The following PDE6B variants were observed in gnomAD, a reference collection of about 807,000 sequenced individuals.
The protein encoded by PDE6B is rod cGMP-specific 3',5'-cyclic phosphodiesterase subunit beta.
In PDE6B, 106 loss-of-function variants were observed where a neutral mutation model predicts 109.0. The observed-to-expected ratio is 0.97, with a 90% CI of 0.83 to 1.14. The LOEUF (loss-of-function observed/expected upper bound fraction) is 1.14. Ranked by LOEUF, PDE6B falls within the 50% of genes most tolerant of loss-of-function variation. PDE6B has a pLI of 0.00. For missense variants in PDE6B, 1,193 were observed against 1,155.6 expected (o/e 1.03, Z -0.47); for synonymous variants, 490 against 471.3 (o/e 1.04, Z -0.51).
chr4:635,816 AC>A, intron 2 of PDE6B, 63 bp from the exon 3 acceptor site: 3 of 875,936 alleles, frequency 3.4e-6, no homozygotes, highest in Non-Finnish European at 5.9e-6. Context: ...CCTGCAAAAT[AC>A]CCACGGGGGC....
chr4:628,506 G>A (rs1224931815), intron 1 of PDE6B, among the ~76,000 whole-genome samples: 1 of 152,226 alleles, frequency 6.6e-6, no homozygotes, highest in Non-Finnish European at 1.5e-5. Context: ...GGGAACTAAT[G>A]TCTGCCTCTC....
At chr4:644,338 T>A (rs1407987021) in intron 3 of PDE6B, among the ~76,000 whole-genome samples, 3 of 152,060 alleles carry the variant, frequency 2.0e-5, no homozygotes, top group Non-Finnish European at 4.4e-5. Flanking sequence ...TTAATTGCAC[T>A]ATGGTATAAG....
intron 20 of PDE6B, among the ~76,000 whole-genome samples, 190 bp from the exon 21 acceptor site, chr4:667,666 A>C (rs1194062022): frequency 6.6e-6 from 1 of 152,108 alleles, no homozygotes; most frequent in African/African-American, 2.4e-5. Context: ...TCCCGGCTTC[A>C]ATGTCACCAA....
rs1485020766 is a variant in PDE6B, at chr4:664,272, G to A, written c.2129+51G>A. The A allele has an allele frequency of 7.9e-6, 8 of 1,008,574 alleles. 1 individual carries two copies. Among genetic ancestry groups the A allele is most frequent in the South Asian group, 7.6e-5 (6 of 78,844 alleles). The allele number at this position is 1,008,574 out of a possible 1,614,324, so 62.5% of individuals were successfully genotyped here. A position where few individuals can be genotyped will look rare whatever the true frequency, so the allele number is the denominator to read the frequency against. ...GGGGTCCTTCCCTCGCAGGGACCGG[G>A]CCCACTCACCAGCTGGTTAACCCTG... On this transcript the variant is annotated intron_variant, in intron 17 of 21. Transcript: ENST00000496514.
intron 1 of PDE6B, among the ~76,000 whole-genome samples, chr4:629,597 C>T (rs1734282246): frequency 6.6e-6 from 1 of 152,236 alleles, no homozygotes; most frequent in South Asian, 2.1e-4. Flanking sequence ...CCCCCTGCCC[C>T]AAAACACCTC....
rs376382275 is a variant in PDE6B, at chr4:662,666, C to T, written c.1832+48C>T. The T allele has an allele frequency of 1.2e-5, 14 of 1,177,526 alleles. No homozygotes were observed. The highest frequency in any genetic ancestry group is 3.0e-5 in the African/African-American group (2 of 66,610). 72.9% of individuals were successfully genotyped at this position (1,177,526 alleles called of 1,614,324 possible). On this transcript the variant is annotated intron_variant, in intron 14 of 21. Coordinates refer to ENST00000496514, the MANE Select transcript of PDE6B (RefSeq NM_000283.4). This position sits in a 1 kb window ranked among gnomAD's most constrained non-coding sequence, Gnocchi z 4.3. ...GTGAATTAGCCCTAAATCAACTCCA[C>T]GCCCTTGGCGTGAATTAGGCTTCGC...
At chr4:627,726 C>T (rs1484384316) in intron 1 of PDE6B, among the ~76,000 whole-genome samples, 5 of 151,340 alleles carry the variant, frequency 3.3e-5, no homozygotes, top group Admixed American at 3.3e-4. Context: ...CCATCCTCCC[C>T]GTCTCCCTTC....
Position 663,277 on chromosome 4 carries a change from T to G in PDE6B, c.1920+90T>G. Reference sequence around the variant, plus strand: ...GGCCGTATCCTGCGGAGCAGGGTTCTGATGCAGCGGGTGAGCACTGGGTGT... The same window carrying G: ...GGCCGTATCCTGCGGAGCAGGGTTCGGATGCAGCGGGTGAGCACTGGGTGT... On this transcript the variant is annotated intron_variant, in intron 15 of 21. Coordinates refer to ENST00000496514, the MANE Select transcript of PDE6B (RefSeq NM_000283.4). This position sits in a 1 kb window ranked among gnomAD's most constrained non-coding sequence, Gnocchi z 4.0. The G allele has an allele frequency of 1.2e-6, 1 of 815,388 alleles. No homozygotes were observed. The highest frequency in any genetic ancestry group is 2.2e-6 in the Non-Finnish European group (1 of 457,946). The allele number at this position is 815,388 out of a possible 1,614,324, so 50.5% of individuals were successfully genotyped here.
Position 665,354 on chromosome 4 carries a change from C to T in PDE6B, c.2268+25C>T. 6.5e-7 allele frequency: 1 copy of T among 1,549,980 alleles called. No homozygotes were observed. Among genetic ancestry groups the T allele is most frequent in the Non-Finnish European group, 8.9e-7 (1 of 1,122,762 alleles). On this transcript the variant is annotated intron_variant, in intron 19 of 21. Coordinates refer to ENST00000496514, the MANE Select transcript of PDE6B (RefSeq NM_000283.4). This position sits in a 1 kb window ranked among gnomAD's most constrained non-coding sequence, Gnocchi z 4.0. ...TGTGAGTGCTGCTTCTGGAACCTTC[C>T]ACTCCTGAAACGGGTGTTAGAGACC... is the stretch of plus-strand genomic sequence containing the variant.
intron 3 of PDE6B, among the ~76,000 whole-genome samples, chr4:637,362 A>G (rs1424657242): frequency 6.6e-6 from 1 of 151,920 alleles, no homozygotes; most frequent in East Asian, 1.9e-4. Context: ...CTGGGATCAC[A>G]GACATGTGCC....
At chr4:659,546 CAGGTGTGTACATGTGTGCACATGT>C (rs1295895074) in intron 11 of PDE6B, among the ~76,000 whole-genome samples, 1 of 147,118 alleles carries the variant, frequency 6.8e-6, no homozygotes, top group African/African-American at 2.6e-5. Context: ...GGCGTCTGCA[CAGGTGTGTACATGTGTGCACATGT>C]GGGTGTGTGT....
chr4:668,635 CGCT>C lies in PDE6B; in HGVS notation c.2503+630_2503+632del, dbSNP rs1738098716. 2.3e-5 allele frequency among the ~76,000 whole-genome samples: 3 copies of C among 133,008 alleles called. 1 individual carries two copies. Among genetic ancestry groups the C allele is most frequent in the Admixed American group, 7.2e-5 (1 of 13,920 alleles). The allele number at this position is 133,008 out of a possible 152,430, so 87.3% of individuals were successfully genotyped here. A position where few individuals can be genotyped will look rare whatever the true frequency, so the allele number is the denominator to read the frequency against. ...CTATTCCCCTACCCCATGCTATTCC[CGCT>C]ACCCCATGCTGCTCCCACTACCCCA... is the stretch of plus-strand genomic sequence containing the variant. On this transcript the variant is annotated intron_variant, in intron 21 of 21. Transcript: ENST00000496514.
Position 658,983 on chromosome 4 carries a change from C to A in PDE6B, c.1433C>A (p.Ala478Asp), listed in dbSNP as rs758534668. The A allele has an allele frequency of 3.1e-6, 5 of 1,613,472 alleles. No homozygotes were observed. Among genetic ancestry groups the A allele is most frequent in the Non-Finnish European group, 4.2e-6 (5 of 1,179,706 alleles). ...AGAGCGCGCCTGGGGAAGGAGCCTG[C>A]TGACTGCGATGAGGACGAGCTGGGC... ...PTRARLGKEP[A>D]DCDEDELGEI... Residue 478 changes from alanine (A) to aspartate (D), a missense_variant, in exon 11 of 22, where the codon GCT becomes GAT. By Grantham distance (126) the Ala-to-Asp change is moderately radical. Coordinates refer to ENST00000496514, the MANE Select transcript of PDE6B (RefSeq NM_000283.4).
intron 11 of PDE6B, among the ~76,000 whole-genome samples, chr4:659,607 G>C (rs566817481): frequency 6.9e-6 from 1 of 145,498 alleles, no homozygotes; most frequent in Non-Finnish European, 1.5e-5. Context: ...GTGTGTGCGT[G>C]TGTGCATTGT....
chr4:653,394 G>T, intron 3 of PDE6B: 1 of 1,041,860 alleles, frequency 9.6e-7, no homozygotes, highest in Non-Finnish European at 1.2e-6. Context: ...AGTGGGGTCT[G>T]GCCAGGACCT....
chr4:656,995 T>G lies in PDE6B; in HGVS notation c.1229T>G (p.Phe410Cys). Reference sequence around the variant, plus strand: ...TACAACAGGAAAGACGGGAAGCCCTTTGACGAACAGGACGAGGTTCTCATG... The same window carrying G: ...TACAACAGGAAAGACGGGAAGCCCTGTGACGAACAGGACGAGGTTCTCATG... Reference protein sequence around the residue: ...TFYNRKDGKPFDEQDEVLMES... With the variant: ...TFYNRKDGKPCDEQDEVLMES... Residue 410 changes from phenylalanine (F) to cysteine (C), a missense_variant, in exon 9 of 22, where the codon TTT (phenylalanine) becomes TGT (cysteine). Physicochemically the swap from Phe to Cys is radical, Grantham distance 205. Coordinates refer to ENST00000496514, the MANE Select transcript of PDE6B (RefSeq NM_000283.4). 6.2e-7 allele frequency: 1 copy of G among 1,613,300 alleles called. No individual in the cohort carries two copies. Among genetic ancestry groups the G allele is most frequent in the South Asian group, 1.1e-5 (1 of 91,090 alleles).
In PDE6B at chr4:648,677, G is replaced by C. The variant is rs187479952; in HGVS notation, c.712-5175G>C. ...GAGGCCGCAGGAAAGCCATGGGTTAGGCCCTACAGAGCTCAGGTTTCTCTC... is the reference window on the plus strand; with the variant it reads ...GAGGCCGCAGGAAAGCCATGGGTTACGCCCTACAGAGCTCAGGTTTCTCTC... On this transcript the variant is annotated intron_variant, in intron 3 of 21. Transcript: ENST00000496514. The surrounding 1 kb of genome is among the most constrained non-coding windows in gnomAD (Gnocchi z 4.5). Among the ~76,000 whole-genome samples, 71 of 152,370 alleles carry C rather than the reference G, an allele frequency of 4.7e-4. No homozygotes were observed. The East Asian group carries it at 9.6e-3, about 21-fold the overall frequency.
rs1737468589 is a variant in PDE6B, at chr4:663,997, GC to G, written c.2022-113del. On this transcript the variant is annotated intron_variant, in intron 16 of 21. Transcript: ENST00000496514. The surrounding 1 kb of genome is among the most constrained non-coding windows in gnomAD (Gnocchi z 4.0). ...CCCCGGATTCCGTCCCTGCCCGCCG[GC>G]CCCGCGCACCCCGGATGGGGCCTCG... 1 of 1,119,856 alleles carries G rather than the reference GC, an allele frequency of 8.9e-7. No homozygotes were observed. Among genetic ancestry groups the G allele is most frequent in the African/African-American group, 1.5e-5 (1 of 65,110 alleles). 69.4% of individuals were successfully genotyped at this position (1,119,856 alleles called of 1,614,324 possible).
In PDE6B at chr4:648,083, AAAAG is replaced by A. The variant is rs768420188; in HGVS notation, c.712-5759_712-5756del. Among the ~76,000 whole-genome samples the A allele has an allele frequency of 1.6e-4, 24 of 151,916 alleles. No homozygotes were observed. The highest frequency in any genetic ancestry group is 4.2e-4 in the South Asian group (2 of 4,804). On this transcript the variant is annotated intron_variant, in intron 3 of 21. Coordinates refer to ENST00000496514, the MANE Select transcript of PDE6B (RefSeq NM_000283.4). The surrounding 1 kb of genome is among the most constrained non-coding windows in gnomAD (Gnocchi z 4.5). ...AGAGCAAAACTCCATCTCGAAAAAA[AAAAG>A]AAAGAAAGAGCCAAGAGTCAGGCGT...
Sources: allele counts gnomAD v4.1 joint callset (sites outside exome capture counted in the v4.1 genomes callset), GRCh38; gene constraint gnomAD v4.1.1; non-coding constraint Gnocchi (gnomAD v3.1); transcripts MANE v1.5; gene names NCBI Gene and HGNC (gene_info 2026-07-23, HGNC 2026-07-21).